NAA38: variants seen among roughly 807,000 people sequenced by gnomAD.
The protein encoded by NAA38 is LSM domain containing 1.
Under a neutral mutation model 12.6 loss-of-function variants are expected in NAA38, and 15 were observed. The observed-to-expected ratio is 1.19, with a 90% CI of 0.79 to 1.83. NAA38 has a LOEUF of 1.83. Among genes scored for constraint, NAA38 ranks in the 40% most tolerant of loss-of-function variants. The pLI is 0.00. For missense variants in NAA38, 183 were observed against 171.7 expected, an observed-to-expected ratio of 1.07 and a Z score of -0.37; for synonymous variants, 88 against 69.9, an observed-to-expected ratio of 1.26 and a Z score of -1.29.
Position 7,885,025 on chromosome 17 carries a change from CCCGCCG to C in NAA38, c.-167+134_-167+139del, listed in dbSNP as rs759738955. The C allele has an allele frequency of 1.0e-4, 121 of 1,161,154 alleles. No individual in the cohort carries two copies. In the East Asian group the frequency reaches 1.2e-3, roughly 11 times the overall value. The allele number at this position is 1,161,154 out of a possible 1,614,324, so 71.9% of individuals were successfully genotyped here. On this transcript the variant is annotated intron_variant, in intron 1 of 4. Coordinates refer to the NAA38 transcript ENST00000576861. ...ACAGCCCCCCCGGCTGCCACCTCTT[CCCGCCG>C]CCGCCGCCGCCGCCGCCACCGCTGC...
chr17:7,883,987 G>A (rs995806747), intron 1 of NAA38, among the ~76,000 whole-genome samples: 1 of 151,714 alleles, frequency 6.6e-6, no homozygotes, highest in Non-Finnish European at 1.5e-5. Context: ...ACTGATTAAT[G>A]CCCCCCCTCA....
intron 1 of NAA38, among the ~76,000 whole-genome samples, chr17:7,884,420 G>A (rs1040920179): frequency 1.4e-5 from 2 of 145,256 alleles, no homozygotes; most frequent in Admixed American, 1.4e-4. Flanking sequence ...GCAACGGAGA[G>A]GGGGGCAGAG....
rs1248675465 is a variant in NAA38, at chr17:7,857,172, C to G, written c.108G>C (p.Ser36=). Reference sequence around the variant, plus strand: ...GCTGCTGTCGGGCGCGCTCAGCCGCCGAGTCCTCGCGCTCTCCGTCCGAAT... The same window carrying G: ...GCTGCTGTCGGGCGCGCTCAGCCGCGGAGTCCTCGCGCTCTCCGTCCGAAT... ...AGDSDGERED[S]AAERARQQLE... Residue 36 remains serine, a synonymous_variant, in exon 2 of 3, where the codon TCG becomes TCC. Coordinates refer to ENST00000575771, the MANE Select transcript of NAA38 (RefSeq NM_001320925.4). 3 of 1,613,004 alleles carry G rather than the reference C, an allele frequency of 1.9e-6. No individual in the cohort carries two copies. The highest frequency in any genetic ancestry group is 2.2e-5 in the East Asian group (1 of 44,856).
chr17:7,866,716 C>T (rs927739360), intron 2 of NAA38, among the ~76,000 whole-genome samples: 1 of 152,102 alleles, frequency 6.6e-6, no homozygotes. Context: ...TCCCTTAACA[C>T]GCCCTCCCCA....
intron 2 of NAA38, among the ~76,000 whole-genome samples, chr17:7,881,936 C>G (rs981354030): frequency 8.8e-5 from 13 of 148,094 alleles, no homozygotes; most frequent in Admixed American, 8.7e-4. Flanking sequence ...CAGGGAGGAG[C>G]AGACAGGCAG....
At chr17:7,884,425 G>C (rs1282399865) in intron 1 of NAA38, among the ~76,000 whole-genome samples, 2 of 142,006 alleles carry the variant, frequency 1.4e-5, no homozygotes, top group African/African-American at 5.2e-5. Flanking sequence ...GGAGAGGGGG[G>C]CAGAGAGAAG....
intron 2 of NAA38, chr17:7,877,018 T>C: frequency 2.8e-6 from 1 of 356,332 alleles, no homozygotes; most frequent in Non-Finnish European, 5.5e-6. Context: ...CTACATTACA[T>C]CTACTGATTG....
At position 7,856,822 on chromosome 17, in the gene NAA38, G is replaced by C; in HGVS notation, c.287C>G (p.Pro96Arg). Reference sequence around the variant, plus strand: ...TACCATGGCCAGGCCCAGCACACGGGGCTCCCCGGCAGAGAAGGAATCTGG... The same window carrying C: ...TACCATGGCCAGGCCCAGCACACGGCGCTCCCCGGCAGAGAAGGAATCTGG... ...KPSDSFSAGE[P>R]RVLGLAMVPG... Residue 96 changes from proline (P) to arginine (R), a missense_variant, in exon 3 of 3, where the codon CCC (proline) becomes CGC (arginine). Physicochemically the swap from Pro to Arg is moderately radical, Grantham distance 103. Transcript: ENST00000575771. The C allele has an allele frequency of 6.2e-7, 1 of 1,613,850 alleles. No homozygotes were observed.
chr17:7,885,021 T>A (rs1308450695), intron 1 of NAA38: 4 of 1,203,012 alleles, frequency 3.3e-6, no homozygotes, highest in South Asian at 3.9e-5. Context: ...GGCTGCCACC[T>A]CTTCCCGCCG....
upstream of NAA38, chr17:7,885,209 C>CGGGCCCGT (rs893595421): frequency 1.1e-6 from 1 of 899,858 alleles, no homozygotes; most frequent in African/African-American, 1.8e-5. Flanking sequence ...ATCCGGGGCT[C>CGGGCCCGT]GGGCCCGTGG....
chr17:7,877,462 T>TTTTTC (rs61320017), intron 2 of NAA38, among the ~76,000 whole-genome samples: 44,476 of 151,242 alleles, frequency 0.29, 7,642 homozygotes, highest in East Asian at 0.82. Context: ...TTCTTTTTTC[T>TTTTTC]TTTTCTTTTT....
chr17:7,862,837 T>C (rs752907843), upstream of NAA38: 1 of 151,582 alleles, frequency 6.6e-6, no homozygotes, highest in Non-Finnish European at 1.5e-5. Flanking sequence ...ACCAGGTGGC[T>C]GTAATTACCT....
chr17:7,885,126 C>A (rs1429889106), intron 1 of NAA38: 5 of 981,202 alleles, frequency 5.1e-6, no homozygotes, highest in Non-Finnish European at 6.0e-6. Flanking sequence ...CGAGTGGGAG[C>A]CGCGGGCGCG....
At chr17:7,885,307 CCCGCCG>C (rs939052371), upstream of NAA38, 9,046 of 157,484 alleles carry the variant, frequency 0.057, 530 homozygotes, top group East Asian at 0.28. Flanking sequence ...GCACCCCTCC[CCCGCCG>C]CCGCCGCCGC....
At chr17:7,874,044 G>A (rs866366309) in intron 2 of NAA38, among the ~76,000 whole-genome samples, 1 of 152,188 alleles carries the variant, frequency 6.6e-6, no homozygotes, top group Admixed American at 6.5e-5. Flanking sequence ...GTGATACAAG[G>A]CCAGGGGTTT....
intron 2 of NAA38, among the ~76,000 whole-genome samples, chr17:7,880,578 G>A (rs191192585): frequency 2.0e-5 from 3 of 152,262 alleles, no homozygotes; most frequent in African/African-American, 7.2e-5. Flanking sequence ...GGCCTAGGTC[G>A]ACAACCTAAA....
At chr17:7,858,845 G>A (rs2151385858), upstream of NAA38, 1 of 1,518,906 alleles carries the variant, frequency 6.6e-7, no homozygotes, top group Middle Eastern at 1.8e-4. Context: ...GTGACAAGGA[G>A]CAGGTTAGAA....
intron 2 of NAA38, among the ~76,000 whole-genome samples, chr17:7,868,234 G>C (rs1248121737): frequency 6.6e-6 from 1 of 152,138 alleles, no homozygotes; most frequent in Non-Finnish European, 1.5e-5. Flanking sequence ...AGGCCAAGCA[G>C]GAAATGTTGC....
intron 1 of NAA38, chr17:7,884,928 AG>A: frequency 7.3e-7 from 1 of 1,370,294 alleles, no homozygotes; most frequent in Non-Finnish European, 9.6e-7. Flanking sequence ...GCGGCCGACG[AG>A]GACGATGAGG....
Sources: gnomAD v4.1 joint callset for allele counts (sites outside exome capture counted in the v4.1 genomes callset) on GRCh38, gnomAD v4.1.1 for gene constraint, MANE v1.5 for transcripts, NCBI Gene and HGNC (gene_info 2026-07-23, HGNC 2026-07-21) for gene names.